Variants in POLK observed in about 807,000 individuals in gnomAD.
POLK encodes DNA polymerase kappa.
POLK carries 76 observed loss-of-function variants against 94.0 expected under a neutral mutation model. The observed-to-expected ratio is 0.81, with a 90% CI of 0.67 to 0.98. The LOEUF (loss-of-function observed/expected upper bound fraction) is 0.98, where lower values mean the gene tolerates loss of function less well. Ranked by LOEUF, POLK falls within the 50% of genes least tolerant of loss-of-function variation. The pLI is 0.00. For missense variants in POLK, 954 were observed against 1,010.1 expected (o/e 0.94, Z 0.75); for synonymous variants, 349 against 325.4 (o/e 1.07, Z -0.78).
At chr5:75,534,294 G>A (rs1345049262) in intron 1 of POLK, among the ~76,000 whole-genome samples, 3 of 151,300 alleles carry the variant, frequency 2.0e-5, no homozygotes, top group African/African-American at 4.9e-5. Flanking sequence ...CTTTTGGGCT[G>A]AGACCATGAG....
At chr5:75,597,863 T>C (rs1034975754) in intron 14 of POLK, 71 bp from the exon 15 acceptor site, 7 of 1,146,200 alleles carry the variant, frequency 6.1e-6, no homozygotes, top group Non-Finnish European at 8.6e-6. Context: ...TATTAAGTAA[T>C]CAATATTAAA....
chr5:75,518,423 T>C (rs1485657979), intron 1 of POLK, among the ~76,000 whole-genome samples: 1 of 152,180 alleles, frequency 6.6e-6, no homozygotes, highest in African/African-American at 2.4e-5. Flanking sequence ...TGTTGGCGTA[T>C]AGTTGCTCAT....
the POLK span, chr5:75,609,907 A>G: frequency 6.6e-6 from 1 of 152,256 alleles, no homozygotes; most frequent in Admixed American, 6.5e-5. Context: ...TGAAATGAAC[A>G]TTGATATTAC....
intron 9 of POLK, among the ~76,000 whole-genome samples, chr5:75,586,196 A>G (rs981374286): frequency 1.3e-5 from 2 of 152,102 alleles, no homozygotes; most frequent in Admixed American, 6.6e-5. Flanking sequence ...TAGGTAATTT[A>G]TAATAACAAA....
At chr5:75,581,169 C>A (rs764816422) in intron 6 of POLK, 40 bp from the exon 7 acceptor site, 4 of 1,440,200 alleles carry the variant, frequency 2.8e-6, no homozygotes, top group Non-Finnish European at 3.9e-6. Context: ...GTATATACTT[C>A]TTAAAATAAA....
intron 11 of POLK, 86 bp from the exon 12 acceptor site, chr5:75,593,792 A>T: frequency 1.4e-6 from 1 of 720,558 alleles, no homozygotes; most frequent in Non-Finnish European, 2.2e-6. Context: ...GCAGTGAGCT[A>T]CAGCTGTGCC....
chr5:75,511,326 G>T, upstream of POLK: 2 of 1,547,626 alleles, frequency 1.3e-6, no homozygotes, highest in Non-Finnish European at 1.7e-6. Context: ...CCGCTCCGGT[G>T]TGGGGGGGAG....
chr5:75,519,511 A>G (rs986769907), intron 1 of POLK, among the ~76,000 whole-genome samples: 8 of 152,094 alleles, frequency 5.3e-5, no homozygotes, highest in Non-Finnish European at 8.8e-5. Flanking sequence ...ATTGCACTCT[A>G]TCTCTCCCTT....
At chr5:75,515,621 G>A (rs1003125825) in intron 1 of POLK, among the ~76,000 whole-genome samples, 13 of 150,270 alleles carry the variant, frequency 8.7e-5, no homozygotes, top group East Asian at 5.8e-4. Flanking sequence ...GGATATATAC[G>A]TAGTAGTAGA....
chr5:75,540,307 A>G (rs777698421), intron 1 of POLK, among the ~76,000 whole-genome samples: 16 of 150,766 alleles, frequency 1.1e-4, no homozygotes, highest in Non-Finnish European at 2.1e-4. Context: ...TTAAAGACAC[A>G]GGCTTCATCA....
At chr5:75,538,069 G>A (rs1031163116) in intron 1 of POLK, among the ~76,000 whole-genome samples, 17 of 152,146 alleles carry the variant, frequency 1.1e-4, no homozygotes, top group African/African-American at 4.1e-4. Flanking sequence ...TGTTAGCCAG[G>A]ATGGTCTCGA....
chr5:75,548,375 T>C (rs992118051), intron 2 of POLK, among the ~76,000 whole-genome samples: 3 of 151,828 alleles, frequency 2.0e-5, no homozygotes, highest in African/African-American at 7.2e-5. Flanking sequence ...CTCCATTTTA[T>C]GTAGTTGAAT....
chr5:75,563,750 G>A (rs938783102), intron 3 of POLK, among the ~76,000 whole-genome samples: 1 of 152,180 alleles, frequency 6.6e-6, no homozygotes, highest in Non-Finnish European at 1.5e-5. Flanking sequence ...TGATTGCGCT[G>A]TGGTCTGAGA....
intron 4 of POLK, among the ~76,000 whole-genome samples, chr5:75,571,621 A>G (rs879780237): frequency 6.6e-6 from 1 of 152,194 alleles, no homozygotes; most frequent in Non-Finnish European, 1.5e-5. Flanking sequence ...TCTCCTCTCC[A>G]TTGTTGCTTC....
chr5:75,528,025 A>C (rs1046407245), intron 1 of POLK, among the ~76,000 whole-genome samples: 8 of 152,336 alleles, frequency 5.3e-5, no homozygotes, highest in Admixed American at 4.6e-4. Context: ...GCAAGAAGTT[A>C]AAAGTTCAGC....
At chr5:75,577,234 T>C (rs575304676) in intron 6 of POLK, among the ~76,000 whole-genome samples, 2 of 152,174 alleles carry the variant, frequency 1.3e-5, no homozygotes, top group Non-Finnish European at 2.9e-5. Flanking sequence ...ACAAAGAGTT[T>C]GGATGGCATT....
intron 11 of POLK, 43 bp downstream of exon 11, chr5:75,590,483 A>G (rs745964973): frequency 9.5e-7 from 1 of 1,056,424 alleles, no homozygotes; most frequent in Admixed American, 1.8e-5. Context: ...TAAGTTTTTT[A>G]ATAGTAAAAT....
chr5:75,517,268 C>A (rs1052771307), intron 1 of POLK, among the ~76,000 whole-genome samples: 2 of 152,062 alleles, frequency 1.3e-5, no homozygotes, highest in South Asian at 4.1e-4. Context: ...CTTCTAATTC[C>A]ACAAGCTTAG....
chr5:75,536,700 G>T (rs541195988), intron 1 of POLK, among the ~76,000 whole-genome samples: 2 of 152,222 alleles, frequency 1.3e-5, no homozygotes, highest in Admixed American at 6.5e-5. Context: ...CCCCTGGGCC[G>T]GAAGCTCTAG....
Sources: gnomAD v4.1 joint callset for allele counts (sites outside exome capture counted in the v4.1 genomes callset) on GRCh38, gnomAD v4.1.1 for gene constraint, MANE v1.5 for transcripts, NCBI Gene and HGNC (gene_info 2026-07-23, HGNC 2026-07-21) for gene names.